Variants in ULK4 observed in about 807,000 individuals in gnomAD.
ULK4 encodes the protein unc-51 like kinase 4.
Under a neutral mutation model 160.6 loss-of-function variants are expected in ULK4, and 133 were observed. That is an observed-to-expected ratio of 0.83 (90% CI 0.72 to 0.96). The LOEUF is 0.96. ULK4 is among the 40% of genes least tolerant of loss of function. The probability of loss-of-function intolerance (pLI) is 0.00; values close to 1 mark genes in which losing one functional copy is unlikely to be tolerated. For synonymous variants in ULK4, 534 were observed against 539.8 expected, an observed-to-expected ratio of 0.99 and a Z score of 0.15; for missense variants, 1,580 against 1,499.5, an observed-to-expected ratio of 1.05 and a Z score of -0.89.
At chr3:41,714,180 T>C (rs1311324524) in intron 25 of ULK4, among the ~76,000 whole-genome samples, 1 of 152,204 alleles carries the variant, frequency 6.6e-6, no homozygotes, top group African/African-American at 2.4e-5. Context: ...ACCAAAATTA[T>C]AGACTTTCTG....
intron 35 of ULK4, among the ~76,000 whole-genome samples, chr3:41,277,085 G>A (rs2079241117): frequency 1.3e-5 from 2 of 152,080 alleles, no homozygotes; most frequent in Admixed American, 6.6e-5. Context: ...CCAATAAAAA[G>A]CAGTGAGACT....
chr3:41,432,866 T>C (rs1240264647), intron 34 of ULK4, among the ~76,000 whole-genome samples: 1 of 150,716 alleles, frequency 6.6e-6, no homozygotes, highest in Non-Finnish European at 1.5e-5. Context: ...AATAAAATAA[T>C]CCTGAACAAA....
chr3:41,523,320 G>C (rs1311878835), intron 32 of ULK4, among the ~76,000 whole-genome samples: 1 of 152,134 alleles, frequency 6.6e-6, no homozygotes, highest in Non-Finnish European at 1.5e-5. Flanking sequence ...CATGAAGCAC[G>C]TCACTACTAA....
intron 34 of ULK4, among the ~76,000 whole-genome samples, chr3:41,452,415 CT>C (rs1260084528): frequency 6.6e-6 from 1 of 152,184 alleles, no homozygotes; most frequent in Non-Finnish European, 1.5e-5. Flanking sequence ...GGAGTATCTA[CT>C]CTCTTTCCAC....
intron 21 of ULK4, chr3:41,766,793 C>T (rs536140704): frequency 6.6e-6 from 1 of 152,322 alleles, no homozygotes; most frequent in East Asian, 1.9e-4. Flanking sequence ...AATCACAGGG[C>T]TTTGGTTGGG....
chr3:41,328,810 G>T (rs1023694691), intron 35 of ULK4, among the ~76,000 whole-genome samples: 1 of 152,128 alleles, frequency 6.6e-6, no homozygotes, highest in African/African-American at 2.4e-5. Flanking sequence ...AGTGGGGTGG[G>T]CACGTGGTGC....
At chr3:41,667,894 A>G (rs990017638) in intron 29 of ULK4, among the ~76,000 whole-genome samples, 2 of 152,110 alleles carry the variant, frequency 1.3e-5, no homozygotes, top group Non-Finnish European at 2.9e-5. Flanking sequence ...ACAGTCCCCA[A>G]CTCTTAATTC....
At chr3:41,481,878 G>C (rs1490348785) in intron 32 of ULK4, among the ~76,000 whole-genome samples, 1 of 145,724 alleles carries the variant, frequency 6.9e-6, no homozygotes, top group African/African-American at 2.5e-5. Flanking sequence ...TTGCTTTAAA[G>C]ATAATATTGA....
At chr3:41,319,292 A>G (rs577401786) in intron 35 of ULK4, among the ~76,000 whole-genome samples, 1 of 152,216 alleles carries the variant, frequency 6.6e-6, no homozygotes, top group South Asian at 2.1e-4. Flanking sequence ...ATACTCTTCA[A>G]TTTACACACA....
chr3:41,611,008 C>T (rs1339045797), intron 31 of ULK4, among the ~76,000 whole-genome samples: 3 of 152,128 alleles, frequency 2.0e-5, no homozygotes, highest in African/African-American at 7.2e-5. Context: ...CATTTCAAAG[C>T]AACTTATACT....
At chr3:41,641,844 G>A (rs1277223525) in intron 30 of ULK4, among the ~76,000 whole-genome samples, 3 of 150,300 alleles carry the variant, frequency 2.0e-5, no homozygotes, top group Non-Finnish European at 4.4e-5. Flanking sequence ...AAAAAAAAAA[G>A]GAGCTCATAA....
chr3:41,557,934 A>C (rs1215994842), intron 32 of ULK4, among the ~76,000 whole-genome samples: 2 of 152,142 alleles, frequency 1.3e-5, no homozygotes, highest in Non-Finnish European at 2.9e-5. Context: ...ACATCTCTGA[A>C]GAACATAAAA....
intron 35 of ULK4, among the ~76,000 whole-genome samples, chr3:41,310,450 G>T (rs2080027302): frequency 6.6e-6 from 1 of 152,084 alleles, no homozygotes; most frequent in Non-Finnish European, 1.5e-5. Flanking sequence ...AAGCTGGGAG[G>T]GCGGGGGAAG....
Position 41,911,368 on chromosome 3 carries a change from C to A in ULK4, c.1034G>T (p.Arg345Leu), listed in dbSNP as rs529145272. The part of the protein sequence containing the change: ...SFRLENPTEF[R>L]PKSTLEGQLN... ...TTGACCCTCAAGAGTACTCTTAGGC[C>A]GAAACTCAGTTGGATTTTCTGTAGC... is the stretch of plus-strand genomic sequence containing the variant. Residue 345 changes from arginine to leucine, a missense_variant, in exon 11 of 37, where the codon CGG (arginine) becomes CTG (leucine). Coordinates refer to ENST00000301831, the MANE Select transcript of ULK4 (RefSeq NM_017886.4). 4 of 1,613,712 alleles carry A rather than the reference C, an allele frequency of 2.5e-6. No homozygotes were observed. The African/African-American group carries it at 4.0e-5, about 16-fold the overall frequency.
chr3:41,954,851 G>A (rs752468304), intron 1 of ULK4, 44 bp from the exon 2 acceptor site: 6 of 1,283,154 alleles, frequency 4.7e-6, no homozygotes, highest in South Asian at 1.5e-5. Context: ...CAAGTTAGTT[G>A]CATAATTAAT....
At chr3:41,747,661 G>A (rs1240196448) in intron 22 of ULK4, among the ~76,000 whole-genome samples, 1 of 152,064 alleles carries the variant, frequency 6.6e-6, no homozygotes, top group African/African-American at 2.4e-5. Flanking sequence ...GGGTAATTAA[G>A]GCTAAATGAC....
intron 1 of ULK4, among the ~76,000 whole-genome samples, chr3:41,957,074 T>C (rs946855718): frequency 2.6e-5 from 4 of 152,232 alleles, no homozygotes; most frequent in African/African-American, 7.2e-5. Context: ...TAAACTCTTA[T>C]CAGACTACAT....
chr3:41,727,546 A>G (rs1245680824), intron 22 of ULK4, among the ~76,000 whole-genome samples: 1 of 152,256 alleles, frequency 6.6e-6, no homozygotes, highest in Non-Finnish European at 1.5e-5. Context: ...AACATTCCAG[A>G]AAACTGTTAA....
intron 21 of ULK4, among the ~76,000 whole-genome samples, chr3:41,772,953 G>C (rs557306898): frequency 3.3e-4 from 50 of 152,238 alleles, no homozygotes; most frequent in African/African-American, 1.2e-3. Context: ...CATATAAACA[G>C]AACCAAAGAC....
Sources: allele counts gnomAD v4.1 joint callset (sites outside exome capture counted in the v4.1 genomes callset), GRCh38; gene constraint gnomAD v4.1.1; transcripts MANE v1.5; gene names NCBI Gene and HGNC (gene_info 2026-07-23, HGNC 2026-07-21).